OSBPL1A: variants seen among roughly 807,000 people sequenced by gnomAD.
The protein encoded by OSBPL1A is oxysterol-binding protein-related protein 1.
A neutral mutation model predicts 137.1 loss-of-function variants in OSBPL1A; 80 were observed. That is an observed-to-expected ratio of 0.58 (90% CI 0.49 to 0.70). OSBPL1A has a LOEUF of 0.70. OSBPL1A is among the 30% of genes least tolerant of loss of function. The pLI, the probability that OSBPL1A is intolerant of heterozygous loss-of-function variation, is 0.00. For missense variants in OSBPL1A, 970 were observed against 1,129.4 expected, an observed-to-expected ratio of 0.86 and a Z score of 2.02; for synonymous variants, 365 against 389.7, an observed-to-expected ratio of 0.94 and a Z score of 0.75.
chr18:24,351,347 CAAAAAAAAA>C (rs1172514692), intron 4 of OSBPL1A, among the ~76,000 whole-genome samples: 1 of 35,770 alleles, frequency 2.8e-5, no homozygotes, highest in Admixed American at 4.2e-4. Context: ...GACTCTGTCT[CAAAAAAAAA>C]AAAAAAAAAA....
chr18:24,323,206 T>A (rs34005893), intron 7 of OSBPL1A, among the ~76,000 whole-genome samples: 26,461 of 151,990 alleles, frequency 0.17, 2,444 homozygotes, highest in African/African-American at 0.22. Context: ...AACTTTTTTT[T>A]AATGCGATAC....
At chr18:24,353,811 C>T (rs1045415322) in intron 4 of OSBPL1A, among the ~76,000 whole-genome samples, 22 of 151,432 alleles carry the variant, frequency 1.5e-4, no homozygotes, top group African/African-American at 4.6e-4. Context: ...AGCAAACTAT[C>T]GCAAGGACGA....
At chr18:24,226,887 ATTTTTTTT>A (rs5823416) in intron 16 of OSBPL1A, among the ~76,000 whole-genome samples, 3 of 100,860 alleles carry the variant, frequency 3.0e-5, no homozygotes, top group Non-Finnish European at 3.9e-5. Flanking sequence ...AAAGAAACAG[ATTTTTTTT>A]TTTTTTTTTT....
chr18:24,267,054 T>C (rs528305923), intron 15 of OSBPL1A, among the ~76,000 whole-genome samples: 2 of 151,650 alleles, frequency 1.3e-5, no homozygotes, highest in South Asian at 2.1e-4. Flanking sequence ...CTGAGATTCA[T>C]TTGAAAAGAA....
chr18:24,195,359 T>C (rs2086998672), intron 18 of OSBPL1A, among the ~76,000 whole-genome samples: 1 of 152,120 alleles, frequency 6.6e-6, no homozygotes, highest in Non-Finnish European at 1.5e-5. Flanking sequence ...CCAAAGTGGG[T>C]ATCTCTGCAG....
At chr18:24,192,698 C>CG (rs918056075) in intron 18 of OSBPL1A, among the ~76,000 whole-genome samples, 20 of 152,076 alleles carry the variant, frequency 1.3e-4, no homozygotes, top group African/African-American at 4.3e-4. Flanking sequence ...GCTGCAGACA[C>CG]GGGGGGCCAA....
At chr18:24,366,991 A>T in intron 3 of OSBPL1A, 25 bp from the exon 4 acceptor site, 1 of 1,575,666 alleles carries the variant, frequency 6.3e-7, no homozygotes, top group South Asian at 1.2e-5. Context: ...CACTTTAAAT[A>T]CCAAGAAATA....
In OSBPL1A at chr18:24,181,263, G is replaced by A. The variant is rs1463501182; in HGVS notation, c.1694C>T (p.Thr565Met). The part of the protein sequence containing the change: ...KCIGMELSKI[T>M]MPVIFNEPLS... ...AGGCTCATTAAATATAACTGGCATC[G>A]TGATCTTGGATAGTTCCTATTTAAC... The change falls in exon 19 of 28, where the codon ACG becomes ATG. Residue 565 changes from threonine (T) to methionine (M), a missense_variant. By Grantham distance (81) the Thr-to-Met change is moderately conservative (BLOSUM62 -1). This residue lies in a region of OSBPL1A where 647 missense variants were observed against 672.6 expected (regional missense o/e 0.96). Transcript: ENST00000319481. The A allele has an allele frequency of 6.2e-7, 1 of 1,614,018 alleles. No homozygotes were observed. Among genetic ancestry groups the A allele is most frequent in the Admixed American group, 1.7e-5 (1 of 59,998 alleles).
chr18:24,356,535 C>T lies in OSBPL1A; in HGVS notation c.282+10357G>A, dbSNP rs748570150. 3.9e-5 allele frequency among the ~76,000 whole-genome samples: 6 copies of T among 152,200 alleles called. No individual in the cohort carries two copies. The East Asian group carries it at 7.7e-4, about 20-fold the overall frequency. ...GGCGCCCTGGCTGAGGTCTGGCTCA[C>T]GGTGCGGGTGCTGGTTGGGTCCAGA... is the stretch of plus-strand genomic sequence containing the variant. On this transcript the variant is annotated intron_variant, in intron 4 of 27. Transcript: ENST00000319481.
At position 24,334,311 on chromosome 18, in the gene OSBPL1A, T is replaced by G. The variant is rs370845910; in HGVS notation, c.414A>C (p.Gln138His). Residue 138 changes from glutamine (Q) to histidine (H), a missense_variant, in exon 6 of 28, where the codon CAA (glutamine) becomes CAC (histidine). By Grantham distance (24) the Gln-to-His change is conservative (BLOSUM62 0). Around this residue, in one of 2 missense-constraint regions of OSBPL1A, gnomAD observed 647 missense variants for 672.6 expected, o/e 0.96. Coordinates refer to ENST00000319481, the MANE Select transcript of OSBPL1A (RefSeq NM_080597.4). ...CTAAAAGTAATTCTTCAAGCTTTCT[T>G]TGTTGAGTCCTTTCTACAGCTGCAA... The part of the protein sequence containing the change: ...SMLEAVERTQ[Q>H]RKLEELLLAA... 6.2e-7 allele frequency: 1 copy of G among 1,611,874 alleles called. No individual in the cohort carries two copies. The highest frequency in any genetic ancestry group is 1.3e-5 in the African/African-American group (1 of 74,836).
intron 17 of OSBPL1A, among the ~76,000 whole-genome samples, chr18:24,215,461 C>A (rs2087669326): frequency 6.6e-6 from 1 of 152,192 alleles, no homozygotes; most frequent in African/African-American, 2.4e-5. Flanking sequence ...GGCAAACCAA[C>A]CAACCAACCA....
At chr18:24,294,379 C>T (rs901168554) in intron 14 of OSBPL1A, among the ~76,000 whole-genome samples, 2 of 151,950 alleles carry the variant, frequency 1.3e-5, no homozygotes, top group Non-Finnish European at 2.9e-5. Context: ...TTACAGGTAC[C>T]CGCCACCAGG....
At chr18:24,322,172 C>T (rs994997191) in intron 7 of OSBPL1A, among the ~76,000 whole-genome samples, 3 of 149,058 alleles carry the variant, frequency 2.0e-5, no homozygotes, top group African/African-American at 7.5e-5. Flanking sequence ...TGCAGTGGCA[C>T]CATCTCAGCT....
In OSBPL1A at chr18:24,280,853, T is replaced by A; in HGVS notation, c.1270A>T (p.Lys424Ter). The change falls in exon 15 of 28, where the codon AAA becomes TAA. Residue 424 changes from lysine (K) to a stop codon, truncating the protein, a stop_gained. Transcript: ENST00000319481. LOFTEE classifies it high-confidence loss of function. ...ALTDCLNLFT[K>*]QEGVRNFKLE... ...TCTGAACTACCTACCCCTTCTTGTT[T>A]GGTGAAGAGATTAAGGCAATCAGTC... is the stretch of plus-strand genomic sequence containing the variant. The A allele has an allele frequency of 6.3e-7, 1 of 1,587,962 alleles. No homozygotes were observed. Among genetic ancestry groups the A allele is most frequent in the Non-Finnish European group, 8.5e-7 (1 of 1,170,788 alleles).
intron 17 of OSBPL1A, among the ~76,000 whole-genome samples, chr18:24,198,379 T>G (rs141973559): frequency 1.3e-5 from 2 of 152,326 alleles, no homozygotes; most frequent in Non-Finnish European, 2.9e-5. Context: ...CACCTGGGAA[T>G]ATCCTATACT....
chr18:24,341,529 C>A lies in OSBPL1A; in HGVS notation c.394+18G>T. On this transcript the variant is annotated intron_variant, in intron 5 of 27. Transcript: ENST00000319481. Reference sequence around the variant, plus strand: ...AATGAAAGTAAATGCTGTTTATGTTCACATCCATGATATTTACCTTCAAGC... The same window carrying A: ...AATGAAAGTAAATGCTGTTTATGTTAACATCCATGATATTTACCTTCAAGC... 6.3e-7 allele frequency: 1 copy of A among 1,577,122 alleles called. No homozygotes were observed. The highest frequency in any genetic ancestry group is 1.1e-5 in the South Asian group (1 of 89,448).
At chr18:24,349,653 G>A (rs2091403950) in intron 4 of OSBPL1A, among the ~76,000 whole-genome samples, 1 of 151,192 alleles carries the variant, frequency 6.6e-6, no homozygotes, top group African/African-American at 2.4e-5. Flanking sequence ...GTGTGAGTAA[G>A]TCCAGATATG....
At chr18:24,284,619 ATCC>A (rs936801489) in intron 14 of OSBPL1A, among the ~76,000 whole-genome samples, 1 of 71,928 alleles carries the variant, frequency 1.4e-5, no homozygotes, top group Non-Finnish European at 3.3e-5. Flanking sequence ...CTCCACTGTT[ATCC>A]TAGTGTAAAA....
intron 17 of OSBPL1A, among the ~76,000 whole-genome samples, chr18:24,214,424 C>CA (rs765434457): frequency 3.3e-5 from 5 of 152,156 alleles, no homozygotes; most frequent in African/African-American, 9.7e-5. Flanking sequence ...CTCCACATTC[C>CA]AAAAAGGATC....
Sources: gnomAD v4.1 joint callset for allele counts (sites outside exome capture counted in the v4.1 genomes callset) on GRCh38, gnomAD v4.1.1 for gene constraint, gnomAD v4.1.1 regional missense constraint, MANE v1.5 for transcripts, NCBI Gene and HGNC (gene_info 2026-07-23, HGNC 2026-07-21) for gene names.